The following HPSE2 variants were observed in gnomAD, a reference collection of about 807,000 sequenced individuals.
HPSE2 encodes inactive heparanase-2.
A neutral mutation model predicts 60.5 loss-of-function variants in HPSE2; 38 were observed. That is an observed-to-expected ratio of 0.63 (90% CI 0.48 to 0.82). The LOEUF (loss-of-function observed/expected upper bound fraction) is 0.82. Among genes scored for constraint, HPSE2 ranks in the 40% least tolerant of loss-of-function variants. The pLI is 0.00. For missense variants in HPSE2, 713 were observed against 740.4 expected (o/e 0.96, Z 0.43); for synonymous variants, 295 against 293.2 (o/e 1.01, Z -0.06).
intron 2 of HPSE2, among the ~76,000 whole-genome samples, chr10:99,203,870 G>GCTCCGCCAGGCCCA: frequency 6.6e-6 from 1 of 151,866 alleles, no homozygotes; most frequent in East Asian, 1.9e-4. Flanking sequence ...AGCCAGGACC[G>GCTCCGCCAGGCCCA]CTCCACCAGG....
At chr10:98,955,722 A>G (rs559244727) in intron 3 of HPSE2, among the ~76,000 whole-genome samples, 71 of 152,176 alleles carry the variant, frequency 4.7e-4, no homozygotes, top group Non-Finnish European at 8.8e-4. Flanking sequence ...CCCATCAATC[A>G]TAGACTGCAT....
chr10:98,491,817 G>C (rs1941654771), intron 9 of HPSE2, among the ~76,000 whole-genome samples: 1 of 152,106 alleles, frequency 6.6e-6, no homozygotes, highest in East Asian at 1.9e-4. Flanking sequence ...GAAGTACAAA[G>C]TCATATTATA....
intron 7 of HPSE2, 56 bp from the exon 8 acceptor site, chr10:98,620,764 A>G (rs1946051975): frequency 8.8e-7 from 1 of 1,132,284 alleles, no homozygotes; most frequent in African/African-American, 1.5e-5. Flanking sequence ...CTATTCCCAC[A>G]TGAGAAGAAA....
intron 2 of HPSE2, among the ~76,000 whole-genome samples, chr10:99,202,856 C>T (rs1214303148): frequency 1.3e-5 from 2 of 152,102 alleles, no homozygotes; most frequent in African/African-American, 4.8e-5. Context: ...AAAAGACATA[C>T]TGAAGAGAAT....
intron 6 of HPSE2, among the ~76,000 whole-genome samples, chr10:98,644,091 T>C (rs561092810): frequency 7.2e-5 from 11 of 152,278 alleles, no homozygotes; most frequent in African/African-American, 1.2e-4. Flanking sequence ...TGGCCCATGG[T>C]TGAGGGTCCC....
intron 5 of HPSE2, among the ~76,000 whole-genome samples, chr10:98,712,790 T>C (rs527361355): frequency 6.6e-6 from 1 of 152,230 alleles, no homozygotes; most frequent in South Asian, 2.1e-4. Flanking sequence ...CAGGTTAGAA[T>C]ATTCCACTAG....
At chr10:99,234,057 G>A (rs1345505595) in intron 1 of HPSE2, among the ~76,000 whole-genome samples, 1 of 152,220 alleles carries the variant, frequency 6.6e-6, no homozygotes, top group South Asian at 2.1e-4. Context: ...AATGAAAGTG[G>A]GACAAGCGTT....
intron 3 of HPSE2, among the ~76,000 whole-genome samples, chr10:98,823,476 A>T (rs979302813): frequency 2.6e-5 from 4 of 152,116 alleles, no homozygotes; most frequent in African/African-American, 9.7e-5. Context: ...AAACAAAAAA[A>T]TTAGCTGGGC....
rs1211854771 is a variant in HPSE2, at chr10:98,929,189, G to A, written c.611-185133C>T. Among the ~76,000 whole-genome samples the A allele has an allele frequency of 2.8e-5, 4 of 143,038 alleles. 1 individual carries two copies. In the South Asian group the frequency reaches 8.5e-4, roughly 30 times the overall value. The allele number at this position is 143,038 out of a possible 152,430, so 93.8% of individuals were successfully genotyped here. ...TGTAAGCACAAATAGCAGGCACAAA[G>A]TTCCAGAAGCACACACCACTGTCAA... On this transcript the variant is annotated intron_variant, in intron 3 of 11. Coordinates refer to ENST00000370552, the MANE Select transcript of HPSE2 (RefSeq NM_021828.5).
At chr10:98,634,272 T>C (rs1378663512) in intron 7 of HPSE2, among the ~76,000 whole-genome samples, 3 of 152,210 alleles carry the variant, frequency 2.0e-5, no homozygotes, top group African/African-American at 7.2e-5. Flanking sequence ...CTCCAACATG[T>C]ATTGAGCACC....
chr10:98,587,301 T>C (rs1484590836), intron 9 of HPSE2, among the ~76,000 whole-genome samples: 5 of 152,304 alleles, frequency 3.3e-5, no homozygotes, highest in African/African-American at 1.2e-4. Context: ...ACACGCTGAT[T>C]GAAAGCCTAC....
rs538696138 is a variant in HPSE2, at chr10:98,565,881, C to T, written c.1320+49023G>A. On this transcript the variant is annotated intron_variant, in intron 9 of 11. Coordinates refer to ENST00000370552, the MANE Select transcript of HPSE2 (RefSeq NM_021828.5). Reference sequence around the variant, plus strand: ...ATCATCATCATTATTGTTGTTTTGCCGATGAATAAATGGGTCACCAAGAGG... The same window carrying T: ...ATCATCATCATTATTGTTGTTTTGCTGATGAATAAATGGGTCACCAAGAGG... 7.9e-5 allele frequency among the ~76,000 whole-genome samples: 12 copies of T among 151,540 alleles called. No individual in the cohort carries two copies. In the East Asian group the frequency reaches 1.9e-3, roughly 25 times the overall value.
At chr10:98,557,223 A>C (rs1944037408) in intron 9 of HPSE2, among the ~76,000 whole-genome samples, 1 of 152,144 alleles carries the variant, frequency 6.6e-6, no homozygotes, top group Non-Finnish European at 1.5e-5. Context: ...CAAAGGAAAA[A>C]AAAAATTAAG....
At chr10:98,630,404 A>G (rs971822906) in intron 7 of HPSE2, among the ~76,000 whole-genome samples, 6 of 151,870 alleles carry the variant, frequency 4.0e-5, no homozygotes, top group African/African-American at 7.3e-5. Flanking sequence ...TCACCATGTT[A>G]GCCAAGATGG....
chr10:98,876,554 C>T (rs1807182033), intron 3 of HPSE2, among the ~76,000 whole-genome samples: 1 of 151,860 alleles, frequency 6.6e-6, no homozygotes, highest in Non-Finnish European at 1.5e-5. Flanking sequence ...GGCTAAAACC[C>T]ACCTTTTCTA....
At chr10:99,082,846 C>T (rs748045453) in intron 3 of HPSE2, among the ~76,000 whole-genome samples, 1 of 152,080 alleles carries the variant, frequency 6.6e-6, no homozygotes, top group African/African-American at 2.4e-5. Context: ...AGAGCCTTAA[C>T]ATGCAAAATA....
chr10:99,301,046 T>A, the HPSE2 span, among the ~76,000 whole-genome samples: 1 of 152,220 alleles, frequency 6.6e-6, no homozygotes, highest in Non-Finnish European at 1.5e-5. Context: ...TAGTTCTTAA[T>A]CCTTACAATA....
intron 9 of HPSE2, among the ~76,000 whole-genome samples, chr10:98,523,528 C>A (rs1246451302): frequency 6.6e-6 from 1 of 152,104 alleles, no homozygotes; most frequent in Non-Finnish European, 1.5e-5. Context: ...CTTATTGAAT[C>A]CCAAATAAAG....
At chr10:99,099,716 G>A (rs1027621768) in intron 3 of HPSE2, among the ~76,000 whole-genome samples, 5 of 152,182 alleles carry the variant, frequency 3.3e-5, no homozygotes, top group East Asian at 1.9e-4. Flanking sequence ...CCTGATCCCC[G>A]AGTAGCCTAA....
Sources: allele counts gnomAD v4.1 joint callset (sites outside exome capture counted in the v4.1 genomes callset), GRCh38; gene constraint gnomAD v4.1.1; transcripts MANE v1.5; gene names NCBI Gene and HGNC (gene_info 2026-07-23, HGNC 2026-07-21).